The following KIF6 variants were observed in gnomAD, a reference collection of about 807,000 sequenced individuals.
KIF6 encodes kinesin-like protein KIF6.
A neutral mutation model predicts 112.7 loss-of-function variants in KIF6; 106 were observed. The observed-to-expected ratio is 0.94, with a 90% CI of 0.80 to 1.11. The LOEUF (loss-of-function observed/expected upper bound fraction) is 1.11. Ranked by LOEUF, KIF6 falls within the 50% of genes least tolerant of loss-of-function variation. The probability of loss-of-function intolerance (pLI) is 0.00; values close to 1 mark genes in which losing one functional copy is unlikely to be tolerated. For missense variants in KIF6, 929 were observed against 964.0 expected (o/e 0.96, Z 0.48); for synonymous variants, 339 against 339.9 (o/e 1.00, Z 0.03).
chr6:39,683,250 G>C (rs1787644071), intron 3 of KIF6, among the ~76,000 whole-genome samples: 1 of 152,228 alleles, frequency 6.6e-6, no homozygotes, highest in South Asian at 2.1e-4. Flanking sequence ...AAGTGGCCAA[G>C]AGAGTGAAGG....
chr6:39,653,314 A>C (rs1785581981), intron 3 of KIF6, among the ~76,000 whole-genome samples: 1 of 152,222 alleles, frequency 6.6e-6, no homozygotes, highest in Non-Finnish European at 1.5e-5. Context: ...AATTAACTAC[A>C]ACAAAAAATC....
rs1048133223 is a variant in KIF6, at chr6:39,333,551, G to A, written c.*2981C>T. ...GAGCAAGAGGCAAGCTCAACCATGA[G>A]AGCACAATTCAAGCCTCTGCCTGGA... On this transcript the variant is annotated 3_prime_UTR_variant, in exon 23 of 23. Coordinates refer to ENST00000287152, the MANE Select transcript of KIF6 (RefSeq NM_145027.6). 1 of 152,362 alleles carries A rather than the reference G, an allele frequency of 6.6e-6. No homozygotes were observed. The highest frequency in any genetic ancestry group is 1.9e-4 in the East Asian group (1 of 5,186). The allele number at this position is 152,362 out of a possible 1,614,324, so 9.4% of individuals were successfully genotyped here.
At chr6:39,592,115 AAAAC>A (rs139542052) in intron 7 of KIF6, among the ~76,000 whole-genome samples, 118 of 151,926 alleles carry the variant, frequency 7.8e-4, no homozygotes, top group Middle Eastern at 3.4e-3. Context: ...CCGTCTCAAA[AAAAC>A]AAACAAACAA....
chr6:39,636,967 A>G (rs1784649929), intron 4 of KIF6, among the ~76,000 whole-genome samples: 1 of 152,056 alleles, frequency 6.6e-6, no homozygotes, highest in Admixed American at 6.6e-5. Flanking sequence ...ATAAGATTCT[A>G]TATTTAAAAT....
intron 6 of KIF6, among the ~76,000 whole-genome samples, chr6:39,600,611 CA>C (rs2150694861): frequency 6.6e-6 from 1 of 152,234 alleles, no homozygotes; most frequent in East Asian, 1.9e-4. Flanking sequence ...TTTCCAGTGC[CA>C]AATACTCTCC....
At chr6:39,346,435 C>T (rs79494296) in intron 20 of KIF6, 41 bp downstream of exon 20, 55 of 716,746 alleles carry the variant, frequency 7.7e-5, no homozygotes, top group African/African-American at 7.2e-4. Flanking sequence ...GAGGATGCGT[C>T]GAGAAGACAG....
intron 13 of KIF6, among the ~76,000 whole-genome samples, chr6:39,432,962 A>G (rs1199684109): frequency 6.6e-6 from 1 of 151,912 alleles, no homozygotes; most frequent in Admixed American, 6.6e-5. Context: ...TTCCACCAAC[A>G]GAGGTGTGGG....
At chr6:39,568,272 G>T (rs1780429719) in intron 10 of KIF6, among the ~76,000 whole-genome samples, 1 of 152,182 alleles carries the variant, frequency 6.6e-6, no homozygotes, top group African/African-American at 2.4e-5. Flanking sequence ...AGATCAAGTG[G>T]CCCAGGAAGG....
chr6:39,486,327 C>G (rs903721445), intron 13 of KIF6, among the ~76,000 whole-genome samples: 5 of 152,156 alleles, frequency 3.3e-5, no homozygotes, highest in Admixed American at 6.5e-5. Flanking sequence ...CACAGAGAGA[C>G]AGAGGGAACC....
intron 10 of KIF6, among the ~76,000 whole-genome samples, chr6:39,572,062 C>T (rs1780668999): frequency 1.3e-5 from 2 of 151,970 alleles, no homozygotes; most frequent in Admixed American, 1.3e-4. Context: ...ATGTATTAAC[C>T]ATATGTAATA....
intron 13 of KIF6, among the ~76,000 whole-genome samples, chr6:39,442,141 A>G (rs1004395670): frequency 6.6e-6 from 1 of 152,138 alleles, no homozygotes; most frequent in African/African-American, 2.4e-5. Context: ...TGGGTGGAAT[A>G]AAGGGGGCAG....
intron 3 of KIF6, among the ~76,000 whole-genome samples, chr6:39,684,107 G>A (rs183111557): frequency 2.7e-4 from 41 of 152,326 alleles, no homozygotes; most frequent in African/African-American, 8.9e-4. Flanking sequence ...CAATCTAGGG[G>A]TATGGTAGCT....
chr6:39,365,935 G>A (rs569002610), intron 16 of KIF6, among the ~76,000 whole-genome samples: 15 of 152,290 alleles, frequency 9.8e-5, no homozygotes, highest in East Asian at 1.9e-4. Flanking sequence ...CGGCCAGGGC[G>A]GCCTGCTTTT....
intron 6 of KIF6, among the ~76,000 whole-genome samples, chr6:39,611,619 G>A (rs1783219780): frequency 6.6e-6 from 1 of 152,136 alleles, no homozygotes; most frequent in African/African-American, 2.4e-5. Flanking sequence ...GCACTGAGGC[G>A]GCAACAGGCT....
At chr6:39,661,962 AT>A (rs531348798) in intron 3 of KIF6, among the ~76,000 whole-genome samples, 332 of 152,304 alleles carry the variant, frequency 2.2e-3, no homozygotes, top group Non-Finnish European at 3.9e-3. Flanking sequence ...GCTTACTTTA[AT>A]TGTACTGGAG....
At chr6:39,685,659 T>G (rs113870498) in intron 3 of KIF6, among the ~76,000 whole-genome samples, 2,831 of 152,304 alleles carry the variant, frequency 0.019, 42 homozygotes, top group Middle Eastern at 0.041. Context: ...GCCATAGAGA[T>G]AGAGTAGGTG....
intron 11 of KIF6, 47 bp downstream of exon 11, chr6:39,545,536 T>C (rs1451760878): frequency 1.0e-5 from 15 of 1,446,408 alleles, no homozygotes; most frequent in African/African-American, 1.4e-5. Context: ...TTTTGCAGCT[T>C]GAACATGGCT....
intron 13 of KIF6, among the ~76,000 whole-genome samples, chr6:39,457,020 C>G (rs1227558836): frequency 2.1e-5 from 3 of 142,690 alleles, no homozygotes; most frequent in African/African-American, 8.1e-5. Context: ...CCAAGCAGAC[C>G]TAATAGACAT....
intron 3 of KIF6, among the ~76,000 whole-genome samples, chr6:39,655,301 T>G (rs1328059899): frequency 2.6e-5 from 4 of 152,186 alleles, no homozygotes; most frequent in Admixed American, 6.5e-5. Flanking sequence ...TTTGACTACT[T>G]TTGTAGTAGA....
Sources: gnomAD v4.1 joint callset for allele counts (sites outside exome capture counted in the v4.1 genomes callset) on GRCh38, gnomAD v4.1.1 for gene constraint, MANE v1.5 for transcripts, NCBI Gene and HGNC (gene_info 2026-07-23, HGNC 2026-07-21) for gene names.